The following BCR variants were observed in gnomAD, a reference collection of about 807,000 sequenced individuals.
The protein encoded by BCR is breakpoint cluster region protein.
Under a neutral mutation model 138.6 loss-of-function variants are expected in BCR, and 58 were observed. The observed-to-expected ratio is 0.42, with a 90% CI of 0.34 to 0.52. The LOEUF (loss-of-function observed/expected upper bound fraction) is 0.52, where lower values mean the gene tolerates loss of function less well. Ranked by LOEUF, BCR falls within the 20% of genes least tolerant of loss-of-function variation. The pLI is 0.06. For synonymous variants in BCR, 786 were observed against 730.1 expected, an observed-to-expected ratio of 1.08 and a Z score of -1.23; for missense variants, 1,599 against 1,727.2, an observed-to-expected ratio of 0.93 and a Z score of 1.32.
At chr22:23,282,929 T>G (rs1269400371) in intron 8 of BCR, among the ~76,000 whole-genome samples, 4 of 152,150 alleles carry the variant, frequency 2.6e-5, no homozygotes, top group African/African-American at 4.8e-5. Context: ...ACCCCTCTCT[T>G]TCTGCGCTGC....
In BCR at chr22:23,285,259, G is replaced by A. The variant is rs1212119699; in HGVS notation, c.2406+58G>A. ...TGTGGTCAGAGTGGCAGCAGCCCCC[G>A]CACACGGCCAGTGGGTGCTTTCTCC... is the stretch of plus-strand genomic sequence containing the variant. On this transcript the variant is annotated intron_variant, in intron 10 of 22. Coordinates refer to ENST00000305877, the MANE Select transcript of BCR (RefSeq NM_004327.4). The A allele has an allele frequency of 1.3e-5, 20 of 1,532,952 alleles. No individual in the cohort carries two copies. In the South Asian group the frequency reaches 1.9e-4, roughly 15 times the overall value. 95.0% of individuals were successfully genotyped at this position (1,532,952 alleles called of 1,614,324 possible).
chr22:23,180,937 G>A lies in BCR; in HGVS notation c.-24G>A. On this transcript the variant is annotated 5_prime_UTR_variant, in exon 1 of 23. Transcript: ENST00000305877. ...AGACGGGCCCCGCGCGCAGCCCGGCGGCGCAGGTAAGGCCGGCCGCGCCAT... is the reference window on the plus strand; with the variant it reads ...AGACGGGCCCCGCGCGCAGCCCGGCAGCGCAGGTAAGGCCGGCCGCGCCAT... 1 of 1,178,096 alleles carries A rather than the reference G, an allele frequency of 8.5e-7. No individual in the cohort carries two copies. The allele number at this position is 1,178,096 out of a possible 1,614,324, so 73.0% of individuals were successfully genotyped here. A position where few individuals can be genotyped will look rare whatever the true frequency, so the allele number is the denominator to read the frequency against.
intron 22 of BCR, 149 bp downstream of exon 22, chr22:23,314,863 G>T: frequency 9.1e-7 from 1 of 1,096,116 alleles, no homozygotes. Flanking sequence ...GGTCTGCATG[G>T]ATGGGAGTGA....
At chr22:23,241,862 C>A (rs540072916) in intron 1 of BCR, among the ~76,000 whole-genome samples, 3 of 152,122 alleles carry the variant, frequency 2.0e-5, no homozygotes, top group Non-Finnish European at 4.4e-5. Flanking sequence ...TTGTTCCAGA[C>A]CCAGACATCT....
intron 8 of BCR, among the ~76,000 whole-genome samples, chr22:23,281,871 G>A (rs2073649698): frequency 1.3e-5 from 2 of 152,246 alleles, no homozygotes; most frequent in South Asian, 4.1e-4. Flanking sequence ...ACACTCAGTA[G>A]CCTTGCTGAA....
intron 21 of BCR, 66 bp from the exon 22 acceptor site, chr22:23,314,481 ACAGCC>A: frequency 6.4e-7 from 1 of 1,563,674 alleles, no homozygotes; most frequent in East Asian, 2.3e-5. Context: ...GAACTCCAGC[ACAGCC>A]CAGCCCCTCT....
intron 8 of BCR, 101 bp downstream of exon 8, chr22:23,273,875 A>G: frequency 1.3e-6 from 2 of 1,504,962 alleles, no homozygotes; most frequent in Non-Finnish European, 9.1e-7. Context: ...GGTCCTCAGC[A>G]GACCTTGCCT....
At chr22:23,249,843 A>G (rs2073202993) in intron 1 of BCR, among the ~76,000 whole-genome samples, 1 of 152,186 alleles carries the variant, frequency 6.6e-6, no homozygotes, top group Non-Finnish European at 1.5e-5. Context: ...GGAACGTGGC[A>G]GGGATGAGCA....
intron 1 of BCR, among the ~76,000 whole-genome samples, chr22:23,237,832 G>C (rs2073043913): frequency 6.6e-6 from 1 of 152,238 alleles, no homozygotes; most frequent in Non-Finnish European, 1.5e-5. Context: ...GGCTCTGCCA[G>C]ATTTCCTGAA....
At chr22:23,269,751 C>G (rs2073488002) in intron 5 of BCR, among the ~76,000 whole-genome samples, 1 of 152,214 alleles carries the variant, frequency 6.6e-6, no homozygotes, top group Non-Finnish European at 1.5e-5. Flanking sequence ...CAACCCTCCT[C>G]CCCCACAGCT....
At chr22:23,290,851 G>A (rs1308165510) in intron 14 of BCR, 1 of 215,218 alleles carries the variant, frequency 4.6e-6, no homozygotes, top group East Asian at 1.0e-4. Context: ...CTAAGTGGGG[G>A]TCTCCCCCAG....
At chr22:23,300,634 G>A (rs1243371425) in intron 16 of BCR, among the ~76,000 whole-genome samples, 3 of 152,208 alleles carry the variant, frequency 2.0e-5, no homozygotes, top group Non-Finnish European at 4.4e-5. Context: ...CCGAAAATGG[G>A]TGGACCTCAC....
At chr22:23,220,341 T>C (rs74440430) in intron 1 of BCR, among the ~76,000 whole-genome samples, 5,094 of 152,302 alleles carry the variant, frequency 0.033, 277 homozygotes, top group African/African-American at 0.11. Context: ...GAATGACTTA[T>C]CTTGGAGAAG....
rs546526653 is a variant in BCR, at chr22:23,278,389, G to T, written c.2115+4615G>T. ...AGGCTTGAGGCTGAGAGATGGTGAGGCTCGGGCAGAGGAGAACCAAGGTCT... is the reference window on the plus strand; with the variant it reads ...AGGCTTGAGGCTGAGAGATGGTGAGTCTCGGGCAGAGGAGAACCAAGGTCT... On this transcript the variant is annotated intron_variant, in intron 8 of 22. Coordinates refer to ENST00000305877, the MANE Select transcript of BCR (RefSeq NM_004327.4). 1.3e-3 allele frequency among the ~76,000 whole-genome samples: 193 copies of T among 152,306 alleles called. 1 individual carries two copies. Among genetic ancestry groups the T allele is most frequent in the African/African-American group, 4.4e-3 (181 of 41,578 alleles).
intron 1 of BCR, among the ~76,000 whole-genome samples, chr22:23,204,712 T>A (rs1215898079): frequency 6.6e-6 from 1 of 152,212 alleles, no homozygotes; most frequent in East Asian, 1.9e-4. Context: ...CCACCAGGAC[T>A]GGAACAGATT....
chr22:23,187,718 G>A (rs553411544), intron 1 of BCR, among the ~76,000 whole-genome samples: 2 of 152,152 alleles, frequency 1.3e-5, no homozygotes, highest in East Asian at 1.9e-4. Flanking sequence ...TATCTGCAAT[G>A]CATAATGATC....
At chr22:23,236,507 A>T (rs1160183699) in intron 1 of BCR, among the ~76,000 whole-genome samples, 2 of 152,224 alleles carry the variant, frequency 1.3e-5, no homozygotes, top group Admixed American at 1.3e-4. Context: ...TCCAGCCAAG[A>T]GGAGAGCATG....
intron 1 of BCR, among the ~76,000 whole-genome samples, chr22:23,231,218 C>G (rs2072954690): frequency 6.6e-6 from 1 of 152,082 alleles, no homozygotes; most frequent in African/African-American, 2.4e-5. Flanking sequence ...GGGTGCCTTT[C>G]TAAAATTAGA....
At chr22:23,227,059 TA>T (rs943235038) in intron 1 of BCR, among the ~76,000 whole-genome samples, 1 of 151,950 alleles carries the variant, frequency 6.6e-6, no homozygotes, top group African/African-American at 2.4e-5. Flanking sequence ...CCTTAAGCTT[TA>T]AAAAAAATTC....
Sources: gnomAD v4.1 joint callset for allele counts (sites outside exome capture counted in the v4.1 genomes callset) on GRCh38, gnomAD v4.1.1 for gene constraint, MANE v1.5 for transcripts, NCBI Gene and HGNC (gene_info 2026-07-23, HGNC 2026-07-21) for gene names.